Variants in RBMS1 observed in about 807,000 individuals in gnomAD.
RBMS1 encodes the protein RNA binding motif single stranded interacting protein 1, also known as RNA-binding motif, single-stranded-interacting protein 1.
A neutral mutation model predicts 62.3 loss-of-function variants in RBMS1; 17 were observed. That is an observed-to-expected ratio of 0.27 (90% CI 0.19 to 0.41). The LOEUF is 0.41. Ranked by LOEUF, RBMS1 falls within the 10% of genes least tolerant of loss-of-function variation. RBMS1 has a pLI of 1.00. For synonymous variants in RBMS1, 172 were observed against 170.0 expected (o/e 1.01, Z -0.09); for missense variants, 334 against 504.5 (o/e 0.66, Z 3.24).
At chr2:160,408,749 G>C (rs991778619) in intron 1 of RBMS1, 2 of 152,044 alleles carry the variant, frequency 1.3e-5, no homozygotes, top group African/African-American at 4.8e-5. Context: ...CCCTTTTCTC[G>C]ACCACCTTTC....
At chr2:160,462,843 G>A (rs1245881051) in intron 1 of RBMS1, among the ~76,000 whole-genome samples, 2 of 151,508 alleles carry the variant, frequency 1.3e-5, no homozygotes, top group African/African-American at 2.4e-5. Context: ...TGATCCACCC[G>A]CCTCGGTCCC....
intron 2 of RBMS1, among the ~76,000 whole-genome samples, chr2:160,349,387 A>G (rs1309436822): frequency 6.6e-6 from 1 of 152,178 alleles, no homozygotes; most frequent in Non-Finnish European, 1.5e-5. Context: ...ACACATAACA[A>G]TAAATAGATG....
chr2:160,393,913 A>G (rs548935167), intron 1 of RBMS1, among the ~76,000 whole-genome samples: 1 of 152,342 alleles, frequency 6.6e-6, no homozygotes, highest in East Asian at 1.9e-4. Flanking sequence ...CTCTAAAATA[A>G]GTACTGGGAA....
At chr2:160,428,517 AG>A (rs1264463536) in intron 1 of RBMS1, among the ~76,000 whole-genome samples, 7 of 137,924 alleles carry the variant, frequency 5.1e-5, no homozygotes, top group Non-Finnish European at 9.9e-5. Context: ...AAGAAGAAGA[AG>A]AAGAAAAAAA....
rs565310546 is a variant in RBMS1, at chr2:160,469,979, T to C, written c.75+23310A>G. Among the ~76,000 whole-genome samples the C allele has an allele frequency of 2.0e-5, 3 of 152,326 alleles. No homozygotes were observed. In the East Asian group the frequency reaches 5.8e-4, roughly 29 times the overall value. On this transcript the variant is annotated intron_variant, in intron 1 of 13. Coordinates refer to ENST00000348849, the MANE Select transcript of RBMS1 (RefSeq NM_016836.4). ...ACATCTGAAGCCTTATGCTGGTAAC[T>C]AGGATTTCATTGAGTATGGTACTCC...
intron 1 of RBMS1, among the ~76,000 whole-genome samples, chr2:160,383,728 T>G (rs570203681): frequency 6.6e-6 from 1 of 152,210 alleles, no homozygotes; most frequent in South Asian, 2.1e-4. Flanking sequence ...TAGCGAGCTA[T>G]GTAATCAGAG....
At chr2:160,353,371 T>C (rs941992996) in intron 2 of RBMS1, among the ~76,000 whole-genome samples, 8 of 152,080 alleles carry the variant, frequency 5.3e-5, no homozygotes, top group Admixed American at 2.0e-4. Context: ...GCCTCATCCA[T>C]AGGTGGCAAT....
At position 160,286,928 on chromosome 2, in the gene RBMS1, A is replaced by ACCCCCCC; in HGVS notation, c.756+40_756+41insGGGGGGG. Reference sequence around the variant, plus strand: ...TTTTCATGTGGGCATTCAAGATCACACCCCCTCCCCCACCCCGCAAAGTTT... The same window carrying ACCCCCCC: ...TTTTCATGTGGGCATTCAAGATCACACCCCCCCCCCCCTCCCCCACCCCGCAAAGTTT... On this transcript the variant is annotated intron_variant, in intron 7 of 13. Coordinates refer to ENST00000348849, the MANE Select transcript of RBMS1 (RefSeq NM_016836.4). 6 of 1,607,630 alleles carry ACCCCCCC rather than the reference A, an allele frequency of 3.7e-6. No individual in the cohort carries two copies. The Admixed American group carries it at 5.0e-5, about 13-fold the overall frequency.
intron 1 of RBMS1, among the ~76,000 whole-genome samples, chr2:160,448,707 G>C (rs1043635203): frequency 2.0e-5 from 3 of 152,156 alleles, no homozygotes; most frequent in Non-Finnish European, 2.9e-5. Flanking sequence ...GCCTCTGCCC[G>C]GCCGCCAACC....
intron 6 of RBMS1, among the ~76,000 whole-genome samples, chr2:160,299,593 A>G (rs1689109321): frequency 6.6e-6 from 1 of 152,240 alleles, no homozygotes; most frequent in African/African-American, 2.4e-5. Context: ...CAATGTCTCA[A>G]TGAGACGGCA....
At chr2:160,394,343 C>A (rs1300446047) in intron 1 of RBMS1, among the ~76,000 whole-genome samples, 1 of 152,092 alleles carries the variant, frequency 6.6e-6, no homozygotes, top group Non-Finnish European at 1.5e-5. Context: ...CTAGAAACCA[C>A]AGAGTAAATT....
intron 1 of RBMS1, among the ~76,000 whole-genome samples, chr2:160,479,051 T>G (rs1685257023): frequency 6.6e-6 from 1 of 152,192 alleles, no homozygotes; most frequent in Non-Finnish European, 1.5e-5. Flanking sequence ...CTCACTGGGT[T>G]GTTGTTGTTG....
intron 2 of RBMS1, among the ~76,000 whole-genome samples, chr2:160,334,252 T>C (rs1691442071): frequency 6.6e-6 from 1 of 152,228 alleles, no homozygotes; most frequent in Non-Finnish European, 1.5e-5. Flanking sequence ...TGAGTAACCA[T>C]ATGAGCTAAC....
At chr2:160,307,738 C>G (rs1689618269) in intron 4 of RBMS1, among the ~76,000 whole-genome samples, 1 of 152,198 alleles carries the variant, frequency 6.6e-6, no homozygotes. Flanking sequence ...GTTATTTTCT[C>G]AATTATTTTA....
chr2:160,488,793 TC>T (rs1392915563), intron 1 of RBMS1, among the ~76,000 whole-genome samples: 2 of 152,298 alleles, frequency 1.3e-5, no homozygotes, highest in Admixed American at 1.3e-4. Context: ...CTTGACATAC[TC>T]CTATTTCTAT....
chr2:160,333,039 T>A (rs180707474), intron 2 of RBMS1, among the ~76,000 whole-genome samples: 184 of 152,014 alleles, frequency 1.2e-3, no homozygotes, highest in Admixed American at 2.2e-3. Flanking sequence ...ATGTACCAGC[T>A]CTGGCATTAA....
chr2:160,324,901 TATATATACACACAC>T (rs1245284087), intron 2 of RBMS1, among the ~76,000 whole-genome samples: 5 of 118,784 alleles, frequency 4.2e-5, no homozygotes, highest in South Asian at 2.8e-4. Context: ...TATATATATA[TATATATACACACAC>T]ACACACACAC....
chr2:160,466,984 G>C (rs538692187), intron 1 of RBMS1, among the ~76,000 whole-genome samples: 3 of 152,198 alleles, frequency 2.0e-5, no homozygotes, highest in Admixed American at 2.0e-4. Flanking sequence ...GACAATAGTA[G>C]GCAATAAATA....
intron 1 of RBMS1, among the ~76,000 whole-genome samples, chr2:160,457,953 TTTGTTGTTG>T (rs60006211): frequency 2.7e-4 from 41 of 150,554 alleles, no homozygotes; most frequent in South Asian, 1.1e-3. Flanking sequence ...TATTGGTTTG[TTTGTTGTTG>T]TTGTTGTTGT....
Sources: allele counts gnomAD v4.1 joint callset (sites outside exome capture counted in the v4.1 genomes callset), GRCh38; gene constraint gnomAD v4.1.1; transcripts MANE v1.5; gene names NCBI Gene and HGNC (gene_info 2026-07-23, HGNC 2026-07-21).